The following INPP5A variants were observed in gnomAD, a reference collection of about 807,000 sequenced individuals.
INPP5A encodes the protein inositol polyphosphate-5-phosphatase A.
INPP5A carries 14 observed loss-of-function variants against 65.2 expected under a neutral mutation model. That is an observed-to-expected ratio of 0.21 (90% confidence interval 0.14 to 0.34). INPP5A has a LOEUF of 0.34. Among genes scored for constraint, INPP5A ranks in the 10% least tolerant of loss-of-function variants. The probability of loss-of-function intolerance (pLI) is 1.00; values close to 1 mark genes in which losing one functional copy is unlikely to be tolerated. For missense variants in INPP5A, 431 were observed against 545.6 expected (o/e 0.79, Z 2.09); for synonymous variants, 207 against 208.3 (o/e 0.99, Z 0.05).
chr10:132,766,132 G>A (rs1249571477), intron 12 of INPP5A, among the ~76,000 whole-genome samples: 1 of 150,608 alleles, frequency 6.6e-6, no homozygotes, highest in Admixed American at 6.6e-5. Context: ...GTGCATCTGT[G>A]TGTGCACGTG....
chr10:132,649,477 C>T lies in INPP5A; in HGVS notation c.219-941C>T, dbSNP rs183416564. 2.0e-5 allele frequency among the ~76,000 whole-genome samples: 3 copies of T among 152,306 alleles called. No individual in the cohort carries two copies. The East Asian group carries it at 5.8e-4, about 29-fold the overall frequency. Reference sequence around the variant, plus strand: ...ATGTTACGTTGTTTAGTGTTTGAGCCCTGTTTTCTTCCTTTAAAGCGTGTT... The same window carrying T: ...ATGTTACGTTGTTTAGTGTTTGAGCTCTGTTTTCTTCCTTTAAAGCGTGTT... On this transcript the variant is annotated intron_variant, in intron 3 of 15. Transcript: ENST00000368594.
At chr10:132,750,856 C>T (rs917212073) in intron 11 of INPP5A, among the ~76,000 whole-genome samples, 10 of 152,278 alleles carry the variant, frequency 6.6e-5, no homozygotes, top group Middle Eastern at 3.4e-3. Flanking sequence ...GGGGAGTGGC[C>T]GGGGGAGAGG....
chr10:132,684,582 T>C (rs2073091941), intron 4 of INPP5A, among the ~76,000 whole-genome samples: 1 of 152,236 alleles, frequency 6.6e-6, no homozygotes, highest in South Asian at 2.1e-4. Flanking sequence ...GGCTCATGTC[T>C]TCAGCAGTCA....
chr10:132,644,047 C>T lies in INPP5A; in HGVS notation c.118-1821C>T, dbSNP rs1426658529. Among the ~76,000 whole-genome samples the T allele has an allele frequency of 6.6e-6, 1 of 152,192 alleles. No homozygotes were observed. Among genetic ancestry groups the T allele is most frequent in the Admixed American group, 6.5e-5 (1 of 15,290 alleles). ...AGCTGGAACCAGACCACCGGAAACA[C>T]TCAGACCACCGGCACCAAGGGTTGT... On this transcript the variant is annotated intron_variant, in intron 2 of 15. Coordinates refer to ENST00000368594, the MANE Select transcript of INPP5A (RefSeq NM_005539.5). This position sits in a 1 kb window ranked among gnomAD's most constrained non-coding sequence, Gnocchi z 6.5.
At chr10:132,629,946 G>C (rs180671208) in intron 2 of INPP5A, among the ~76,000 whole-genome samples, 1 of 152,154 alleles carries the variant, frequency 6.6e-6, no homozygotes, top group Non-Finnish European at 1.5e-5. Flanking sequence ...GTCCTTGAGG[G>C]GAGAGTGTTC....
chr10:132,580,509 A>G (rs1169877364), intron 1 of INPP5A, among the ~76,000 whole-genome samples: 1 of 152,230 alleles, frequency 6.6e-6, no homozygotes, highest in Non-Finnish European at 1.5e-5. Flanking sequence ...ATGAATTACC[A>G]GTCTCAGGTA....
intron 1 of INPP5A, among the ~76,000 whole-genome samples, chr10:132,590,912 C>T (rs2071611979): frequency 6.6e-6 from 1 of 152,198 alleles, no homozygotes; most frequent in African/African-American, 2.4e-5. Flanking sequence ...CCATGGTTTT[C>T]ACTTAGAGAT....
In INPP5A at chr10:132,697,781, TG is replaced by T; in HGVS notation, c.371-32del. On this transcript the variant is annotated intron_variant, in intron 5 of 15. Transcript: ENST00000368594. The surrounding 1 kb of genome is among the most constrained non-coding windows in gnomAD (Gnocchi z 5.6). ...AGGCTGGTTGGATGGGGCACAGTGA[TG>T]GGATAGTCACCTCGTCCTTCTGGTC... 7.0e-7 allele frequency: 1 copy of T among 1,428,656 alleles called. No homozygotes were observed. The highest frequency in any genetic ancestry group is 9.8e-7 in the Non-Finnish European group (1 of 1,015,244). The allele number at this position is 1,428,656 out of a possible 1,614,324, so 88.5% of individuals were successfully genotyped here. A position where few individuals can be genotyped will look rare whatever the true frequency, so the allele number is the denominator to read the frequency against.
At chr10:132,777,879 A>T (rs1847091467) in intron 13 of INPP5A, 97 bp downstream of exon 13, 3 of 1,543,946 alleles carry the variant, frequency 1.9e-6, no homozygotes, top group Non-Finnish European at 1.7e-6. Context: ...GGGTGGGGGC[A>T]CCCAGTCTGG....
At chr10:132,682,481 A>G (rs1359518984) in intron 4 of INPP5A, among the ~76,000 whole-genome samples, 2 of 152,260 alleles carry the variant, frequency 1.3e-5, no homozygotes, top group Non-Finnish European at 1.5e-5. Context: ...AATTAAAACA[A>G]TAAGGTCTAA....
intron 11 of INPP5A, among the ~76,000 whole-genome samples, chr10:132,760,776 G>T (rs1248011772): frequency 6.6e-6 from 1 of 152,194 alleles, no homozygotes; most frequent in African/African-American, 2.4e-5. Context: ...GCACAGCTGG[G>T]CCTGTCCTTC....
At chr10:132,775,183 A>AGGAGGGGCAGGGAG (rs1198975694) in intron 12 of INPP5A, among the ~76,000 whole-genome samples, 1 of 4,750 alleles carries the variant, frequency 2.1e-4, no homozygotes, top group Non-Finnish European at 5.3e-4. Context: ...AGGGGCAGGG[A>AGGAGGGGCAGGGAG]GAGAGGGAGG....
At chr10:132,780,026 G>A (rs1051293463) in intron 13 of INPP5A, among the ~76,000 whole-genome samples, 17 of 152,366 alleles carry the variant, frequency 1.1e-4, no homozygotes, top group Non-Finnish European at 1.8e-4. Flanking sequence ...CTGCGGAGGC[G>A]CCGCTTCACC....
At chr10:132,712,210 CGTGTGT>C (rs549572343) in intron 8 of INPP5A, among the ~76,000 whole-genome samples, 1 of 151,638 alleles carries the variant, frequency 6.6e-6, no homozygotes, top group African/African-American at 2.4e-5. Context: ...TGTGCCTGTG[CGTGTGT>C]GCATGCCTGA....
At chr10:132,711,146 A>G (rs1030410920) in intron 8 of INPP5A, among the ~76,000 whole-genome samples, 1 of 152,140 alleles carries the variant, frequency 6.6e-6, no homozygotes, top group African/African-American at 2.4e-5. Context: ...GGTGAATAGG[A>G]CACTGAAGAG....
At chr10:132,567,921 G>A (rs534048823) in intron 1 of INPP5A, among the ~76,000 whole-genome samples, 87 of 152,074 alleles carry the variant, frequency 5.7e-4, no homozygotes, top group Non-Finnish European at 8.4e-4. Flanking sequence ...GGCCGGGCGC[G>A]GTGGCTCACG....
At chr10:132,680,178 G>A (rs1461457978) in intron 4 of INPP5A, among the ~76,000 whole-genome samples, 1 of 152,170 alleles carries the variant, frequency 6.6e-6, no homozygotes, top group East Asian at 1.9e-4. Flanking sequence ...CGTGGAATGG[G>A]AGAAAATATT....
Position 132,783,183 on chromosome 10 carries a change from G to C in INPP5A, c.*1154G>C, listed in dbSNP as rs1133513. ...TTAGAAGGTGATTAGAGAGTCTGTTGATGAAACACAAATGTATGTTTTATT... is the reference window on the plus strand; with the variant it reads ...TTAGAAGGTGATTAGAGAGTCTGTTCATGAAACACAAATGTATGTTTTATT... On this transcript the variant is annotated 3_prime_UTR_variant, in exon 16 of 16. Coordinates refer to ENST00000368594, the MANE Select transcript of INPP5A (RefSeq NM_005539.5). 6.6e-6 allele frequency: 1 copy of C among 152,438 alleles called. No individual in the cohort carries two copies. The highest frequency in any genetic ancestry group is 2.4e-5 in the African/African-American group (1 of 41,444). The allele number at this position is 152,438 out of a possible 1,614,324, so 9.4% of individuals were successfully genotyped here.
Position 132,698,128 on chromosome 10 carries a change from C to T in INPP5A, c.474+209C>T, listed in dbSNP as rs1291698900. On this transcript the variant is annotated intron_variant, in intron 6 of 15. Transcript: ENST00000368594. The surrounding 1 kb of genome is among the most constrained non-coding windows in gnomAD (Gnocchi z 5.5). ...GCAGTGAGAATCTAAGGCATTAGCA[C>T]CAAGTAATCAGTAAGTTCCTGAATC... 6.6e-6 allele frequency among the ~76,000 whole-genome samples: 1 copy of T among 152,188 alleles called. No homozygotes were observed. The highest frequency in any genetic ancestry group is 1.5e-5 in the Non-Finnish European group (1 of 68,032).
Sources: allele counts gnomAD v4.1 joint callset (sites outside exome capture counted in the v4.1 genomes callset), GRCh38; gene constraint gnomAD v4.1.1; non-coding constraint Gnocchi (gnomAD v3.1); transcripts MANE v1.5; gene names NCBI Gene and HGNC (gene_info 2026-07-23, HGNC 2026-07-21).